ZNF709: variants seen among roughly 807,000 people sequenced by gnomAD.
ZNF709 encodes the protein zinc finger protein 709.
ZNF709 carries 15 observed loss-of-function variants against 10.6 expected under a neutral mutation model. The ratio of observed to expected loss-of-function variants is 1.41; its 90% CI spans 0.95 to 2.18. The LOEUF (loss-of-function observed/expected upper bound fraction) is 2.18. ZNF709 is among the 30% of genes most tolerant of loss of function. The pLI, the probability that ZNF709 is intolerant of heterozygous loss-of-function variation, is 0.00. For synonymous variants in ZNF709, 194 were observed against 238.8 expected (o/e 0.81, Z 1.73); for missense variants, 589 against 774.0 (o/e 0.76, Z 2.84).
At position 12,462,939 on chromosome 19, in the gene ZNF709, T is replaced by A. The variant is rs1158003110; in HGVS notation, c.*1057A>T. On this transcript the variant is annotated 3_prime_UTR_variant, in exon 4 of 4. Coordinates refer to ENST00000397732, the MANE Select transcript of ZNF709 (RefSeq NM_152601.4). Reference sequence around the variant, plus strand: ...TATAAGAGCTTACAGAATTATCTCATCTCAGTGTTCTTTTGTGAAAGTAAT... The same window carrying A: ...TATAAGAGCTTACAGAATTATCTCAACTCAGTGTTCTTTTGTGAAAGTAAT... 1 of 152,206 alleles carries A rather than the reference T, an allele frequency of 6.6e-6. No homozygotes were observed. The highest frequency in any genetic ancestry group is 2.4e-5 in the African/African-American group (1 of 41,460). The allele number at this position is 152,206 out of a possible 1,614,324, so 9.4% of individuals were successfully genotyped here.
intron 1 of ZNF709, among the ~76,000 whole-genome samples, chr19:12,468,257 G>A (rs1970602017): frequency 6.6e-6 from 1 of 152,252 alleles, no homozygotes; most frequent in South Asian, 2.1e-4. Context: ...AGAAAAGGGG[G>A]AAAGGTGGGG....
At chr19:12,483,240 A>G (rs369840842) in intron 1 of ZNF709, among the ~76,000 whole-genome samples, 3 of 151,982 alleles carry the variant, frequency 2.0e-5, no homozygotes, top group South Asian at 2.1e-4. Context: ...TCCCAGGCTC[A>G]AGCAATCCTC....
At chr19:12,481,116 A>G (rs1970723379) in intron 1 of ZNF709, 1 of 954,082 alleles carries the variant, frequency 1.0e-6, no homozygotes. Context: ...TATGACATGC[A>G]CATACAAAAA....
At chr19:12,475,041 T>C (rs558838258) in intron 1 of ZNF709, among the ~76,000 whole-genome samples, 1 of 152,050 alleles carries the variant, frequency 6.6e-6, no homozygotes, top group South Asian at 2.1e-4. Context: ...GCAGATCACC[T>C]GAGGTCGGGA....
intron 1 of ZNF709, among the ~76,000 whole-genome samples, chr19:12,476,836 A>G (rs1970681628): frequency 2.0e-5 from 3 of 152,214 alleles, no homozygotes; most frequent in Admixed American, 2.0e-4. Flanking sequence ...TATATGGGGC[A>G]ATGGACTTTT....
At chr19:12,466,603 A>G in intron 2 of ZNF709, 84 bp from the exon 3 acceptor site, 1 of 1,603,304 alleles carries the variant, frequency 6.2e-7, no homozygotes, top group East Asian at 2.2e-5. Flanking sequence ...ATGAGCTGTT[A>G]TCCTGTCTGA....
rs1366057314 is a variant in ZNF709 at position 12,463,379 on chromosome 19, G to A, written c.*617C>T. On this transcript the variant is annotated 3_prime_UTR_variant, in exon 4 of 4. Transcript: ENST00000397732. ...TTTTCTACATTTTTTACATTTATAG[G>A]GTTTTCCACATTCTTTACATTTTTA... 6.6e-6 allele frequency: 1 copy of A among 151,970 alleles called. No individual in the cohort carries two copies. The highest frequency in any genetic ancestry group is 2.4e-5 in the African/African-American group (1 of 41,334). The allele number at this position is 151,970 out of a possible 1,614,324, so 9.4% of individuals were successfully genotyped here.
At position 12,463,242 on chromosome 19, in the gene ZNF709, C is replaced by T. The variant is rs1970531668; in HGVS notation, c.*754G>A. The T allele has an allele frequency of 6.6e-6, 1 of 152,200 alleles. No individual in the cohort carries two copies. The highest frequency in any genetic ancestry group is 2.4e-5 in the African/African-American group (1 of 41,434). 9.4% of individuals were successfully genotyped at this position (152,200 alleles called of 1,614,324 possible). A position where few individuals can be genotyped will look rare whatever the true frequency, so the allele number is the denominator to read the frequency against. ...GATTTCTATCCAGTCTGCATTCTCA[C>T]ATATTAGTATGTGGGCCAACTGAAG... On this transcript the variant is annotated 3_prime_UTR_variant, in exon 4 of 4. Transcript: ENST00000397732.
intron 1 of ZNF709, among the ~76,000 whole-genome samples, chr19:12,467,683 T>C (rs924900056): frequency 1.3e-5 from 2 of 150,146 alleles, no homozygotes; most frequent in African/African-American, 4.9e-5. Context: ...CGCCATCACA[T>C]CTAGGAAGTG....
chr19:12,471,067 C>T (rs954617752), intron 1 of ZNF709, among the ~76,000 whole-genome samples: 2 of 152,100 alleles, frequency 1.3e-5, no homozygotes, highest in African/African-American at 4.8e-5. Context: ...ATCCGCCCCC[C>T]AAAAGCACTG....
rs1362144958 is a variant in ZNF709 at position 12,466,477 on chromosome 19, T to C, written c.173A>G (p.Gln58Arg). Residue 58 changes from glutamine to arginine, a missense_variant, in exon 3 of 4, where the codon CAG becomes CGG. Physicochemically the swap from Gln to Arg is conservative, Grantham distance 43 (BLOSUM62 1). This residue lies in a region of ZNF709 where 418 missense variants were observed against 496.3 expected (regional missense o/e 0.84). Coordinates refer to ENST00000397732, the MANE Select transcript of ZNF709 (RefSeq NM_152601.4). ...TACAACTCACCTTAGCTTTCTCCCC[T>C]GATTTTTGTGATCTTCAATGTTCTT... is the stretch of plus-strand genomic sequence containing the variant. The part of the protein sequence containing the change: ...EEKNIEDHKN[Q>R]GRKLRSHMVE... The C allele has an allele frequency of 6.2e-7, 1 of 1,614,052 alleles. No homozygotes were observed. Among genetic ancestry groups the C allele is most frequent in the African/African-American group, 1.3e-5 (1 of 75,068 alleles).
chr19:12,479,128 C>T (rs1189918632), intron 1 of ZNF709, among the ~76,000 whole-genome samples: 1 of 152,028 alleles, frequency 6.6e-6, no homozygotes, highest in Non-Finnish European at 1.5e-5. Context: ...CATAGTAAGA[C>T]TCCATCACTA....
At chr19:12,472,987 A>G (rs1033551734) in intron 1 of ZNF709, among the ~76,000 whole-genome samples, 6 of 152,234 alleles carry the variant, frequency 3.9e-5, no homozygotes, top group Non-Finnish European at 5.9e-5. Context: ...AAATCAGTCA[A>G]TTAGCTACTC....
chr19:12,474,042 T>C (rs1970657206), intron 1 of ZNF709, among the ~76,000 whole-genome samples: 1 of 152,246 alleles, frequency 6.6e-6, no homozygotes, highest in African/African-American at 2.4e-5. Flanking sequence ...CACGATCCCA[T>C]CTTAAAAATG....
intron 1 of ZNF709, among the ~76,000 whole-genome samples, chr19:12,481,386 A>G (rs1970725746): frequency 6.6e-6 from 1 of 151,960 alleles, no homozygotes; most frequent in Non-Finnish European, 1.5e-5. Flanking sequence ...GCCACCCACC[A>G]AAAATTACAT....
intron 1 of ZNF709, among the ~76,000 whole-genome samples, chr19:12,472,602 G>C (rs1400907392): frequency 6.6e-6 from 1 of 151,908 alleles, no homozygotes; most frequent in Non-Finnish European, 1.5e-5. Flanking sequence ...AAAAGGTCTG[G>C]CTGGGCACGG....
intron 1 of ZNF709, among the ~76,000 whole-genome samples, chr19:12,484,446 G>A (rs1169072768): frequency 1.2e-4 from 19 of 152,332 alleles, no homozygotes; most frequent in Non-Finnish European, 1.5e-5. Flanking sequence ...TCGCCGCGCA[G>A]GGACTTGACA....
intron 1 of ZNF709, among the ~76,000 whole-genome samples, chr19:12,479,814 G>C (rs1970707875): frequency 6.6e-6 from 1 of 152,144 alleles, no homozygotes; most frequent in Non-Finnish European, 1.5e-5. Flanking sequence ...AGACTGCAGT[G>C]AGCTGAGATT....
intron 1 of ZNF709, among the ~76,000 whole-genome samples, chr19:12,471,692 G>A (rs553501415): frequency 2.0e-5 from 3 of 152,298 alleles, no homozygotes; most frequent in Admixed American, 6.5e-5. Flanking sequence ...AGCAACCATT[G>A]TAGGGTAGTG....
Sources: gnomAD v4.1 joint callset for allele counts (sites outside exome capture counted in the v4.1 genomes callset) on GRCh38, gnomAD v4.1.1 for gene constraint, gnomAD v4.1.1 regional missense constraint, MANE v1.5 for transcripts, NCBI Gene and HGNC (gene_info 2026-07-23, HGNC 2026-07-21) for gene names.